Variants in IFTAP observed in about 807,000 individuals in gnomAD.
The protein encoded by IFTAP is intraflagellar transport associated protein, also known as intraflagellar transport-associated protein.
IFTAP carries 19 observed loss-of-function variants against 19.4 expected under a neutral mutation model. The observed-to-expected ratio is 0.98, with a 90% confidence interval of 0.68 to 1.44. The LOEUF is 1.44. Ranked by LOEUF, IFTAP falls within the 40% of genes most tolerant of loss-of-function variation. The probability of loss-of-function intolerance (pLI) is 0.00; values close to 1 mark genes in which losing one functional copy is unlikely to be tolerated. For synonymous variants in IFTAP, 85 were observed against 83.5 expected (o/e 1.02, Z -0.10); for missense variants, 240 against 253.6 (o/e 0.95, Z 0.36).
Position 36,610,207 on chromosome 11 carries a change from A to G in IFTAP, c.104A>G (p.Glu35Gly). ...TGTCATGAGCAAACATATGATGAAG[A>G]ATTTCTGAACACTTTTACTCATCTT... ...LNCHEQTYDE[E>G]FLNTFTHLSQ... Residue 35 changes from glutamate to glycine, a missense_variant, in exon 2 of 6, where the codon GAA becomes GGA. Physicochemically the swap from Glu to Gly is moderately conservative, Grantham distance 98 (BLOSUM62 -2). Transcript: ENST00000334307. 4 of 1,610,438 alleles carry G rather than the reference A, an allele frequency of 2.5e-6. No homozygotes were observed. The highest frequency in any genetic ancestry group is 2.2e-5 in the East Asian group (1 of 44,810).
intron 5 of IFTAP, among the ~76,000 whole-genome samples, chr11:36,654,804 C>T (rs968106988): frequency 1.4e-4 from 21 of 152,160 alleles, no homozygotes; most frequent in Non-Finnish European, 2.6e-4. Flanking sequence ...TCACTTTCTA[C>T]GGATTTTTCA....
chr11:36,654,026 A>T (rs1416980514), intron 5 of IFTAP, among the ~76,000 whole-genome samples: 1 of 152,090 alleles, frequency 6.6e-6, no homozygotes, highest in East Asian at 1.9e-4. Context: ...AACAAGGAAA[A>T]CAAGCTTCCC....
Position 36,610,116 on chromosome 11 carries a change from A to G in IFTAP, c.13A>G (p.Met5Val), listed in dbSNP as rs140413313. Residue 5 changes from methionine (M) to valine (V), a missense_variant, in exon 2 of 6, where the codon ATG becomes GTG. Met to Val is a conservative substitution (Grantham distance 21). Transcript: ENST00000334307. ...CTCATGAATAGGAATGTCTGCCCAT[A>G]TGTCAGGATTGGAAATAATGGATGA... is the stretch of plus-strand genomic sequence containing the variant. MSAHMSGLEIMDEDQ... is the reference protein window; with the variant it reads MSAHVSGLEIMDEDQ... The G allele has an allele frequency of 7.1e-5, 114 of 1,613,126 alleles. No homozygotes were observed. In the African/African-American group the frequency reaches 1.4e-3, roughly 20 times the overall value.
At chr11:36,644,085 T>C (rs1172333310) in intron 4 of IFTAP, among the ~76,000 whole-genome samples, 7 of 152,156 alleles carry the variant, frequency 4.6e-5, no homozygotes, top group South Asian at 4.1e-4. Context: ...GAGAAAATGT[T>C]TGCAATCTAC....
chr11:36,637,967 G>A (rs897191121), intron 4 of IFTAP, among the ~76,000 whole-genome samples: 1 of 151,276 alleles, frequency 6.6e-6, no homozygotes, highest in East Asian at 1.9e-4. Context: ...TGCAACCTCT[G>A]CCTCTCAGGT....
intron 5 of IFTAP, among the ~76,000 whole-genome samples, chr11:36,649,578 T>C (rs1459662007): frequency 6.6e-6 from 1 of 152,120 alleles, no homozygotes; most frequent in Non-Finnish European, 1.5e-5. Flanking sequence ...TCTAGTACAA[T>C]TATAGAAATT....
intron 1 of IFTAP, among the ~76,000 whole-genome samples, chr11:36,596,535 C>G (rs1851265997): frequency 6.6e-6 from 1 of 152,178 alleles, no homozygotes; most frequent in Non-Finnish European, 1.5e-5. Flanking sequence ...ATCTGAGCAA[C>G]TATGAAAAAT....
chr11:36,608,616 T>A (rs116934374), intron 1 of IFTAP, among the ~76,000 whole-genome samples: 2,623 of 152,148 alleles, frequency 0.017, 31 homozygotes, highest in Non-Finnish European at 0.026. Flanking sequence ...TGAGGCATTG[T>A]GTCTTAGCTG....
At chr11:36,624,284 T>G (rs1297093309) in intron 2 of IFTAP, among the ~76,000 whole-genome samples, 1 of 152,146 alleles carries the variant, frequency 6.6e-6, no homozygotes, top group African/African-American at 2.4e-5. Context: ...AATTTTTATC[T>G]ACTCTATGGC....
At chr11:36,610,059 C>G in intron 1 of IFTAP, 22 bp from the exon 2 acceptor site, 2 of 1,600,292 alleles carry the variant, frequency 1.2e-6, no homozygotes, top group Non-Finnish European at 1.7e-6. Flanking sequence ...TTCTCTCTAG[C>G]TGGTATTTTT....
chr11:36,632,083 C>G (rs953433135), intron 2 of IFTAP, among the ~76,000 whole-genome samples: 1 of 151,186 alleles, frequency 6.6e-6, no homozygotes, highest in Non-Finnish European at 1.5e-5. Context: ...CCCCACTCTG[C>G]TACTTAACCA....
intron 5 of IFTAP, among the ~76,000 whole-genome samples, chr11:36,652,764 G>T (rs1230782728): frequency 6.6e-6 from 1 of 152,000 alleles, no homozygotes; most frequent in African/African-American, 2.4e-5. Flanking sequence ...TAGCATGAAG[G>T]GCTGTTGAAT....
intron 2 of IFTAP, among the ~76,000 whole-genome samples, chr11:36,616,112 A>G (rs892427768): frequency 1.3e-5 from 2 of 151,948 alleles, no homozygotes; most frequent in African/African-American, 4.8e-5. Context: ...ACATACGGTA[A>G]CTGTCGGGAG....
At chr11:36,625,111 A>G (rs1277397103) in intron 2 of IFTAP, among the ~76,000 whole-genome samples, 4 of 152,308 alleles carry the variant, frequency 2.6e-5, no homozygotes, top group South Asian at 2.1e-4. Flanking sequence ...ATTTGAATCT[A>G]AACTCTGTTA....
At chr11:36,625,001 C>T (rs1399299094) in intron 2 of IFTAP, among the ~76,000 whole-genome samples, 2 of 152,188 alleles carry the variant, frequency 1.3e-5, no homozygotes, top group African/African-American at 2.4e-5. Context: ...TATAGATAAA[C>T]CATGGTTGTA....
At chr11:36,641,954 G>T (rs1853225244) in intron 4 of IFTAP, among the ~76,000 whole-genome samples, 2 of 152,058 alleles carry the variant, frequency 1.3e-5, no homozygotes, top group South Asian at 2.1e-4. Flanking sequence ...GAATCTGGGT[G>T]CTCCTGTATT....
rs11033703 is a variant in IFTAP, at chr11:36,595,228, C to T, written c.-24+636C>T. The T allele has an allele frequency of 0.13, 20,061 of 152,080 alleles. 1,435 individuals are homozygous for T. The highest frequency in any genetic ancestry group is 0.19 in the Admixed American group (2,959 of 15,274). The allele number at this position is 152,080 out of a possible 1,614,324, so 9.4% of individuals were successfully genotyped here. On this transcript the variant is annotated intron_variant, in intron 1 of 5. Transcript: ENST00000334307. ...AATAGAGTTAGTGGCTTTTTCACAT[C>T]TTTCCAGTCCAAGAACTTTTGGGTA...
rs111512474 is a variant in IFTAP, at chr11:36,599,108, C to T, written c.-24+4516C>T. ...ACCCAGGTTCAAGCGATTCTCCTAC[C>T]TCAGCCTCCCGAATAGCTGGGATTA... On this transcript the variant is annotated intron_variant, in intron 1 of 5. Transcript: ENST00000334307. Among the ~76,000 whole-genome samples the T allele has an allele frequency of 7.9e-5, 12 of 152,064 alleles. 1 individual carries two copies.
chr11:36,616,622 A>G (rs1358720922), intron 2 of IFTAP, among the ~76,000 whole-genome samples: 2 of 151,970 alleles, frequency 1.3e-5, no homozygotes, highest in African/African-American at 2.4e-5. Flanking sequence ...ATAATATTGT[A>G]TAATCATGAG....
Sources: allele counts gnomAD v4.1 joint callset (sites outside exome capture counted in the v4.1 genomes callset), GRCh38; gene constraint gnomAD v4.1.1; transcripts MANE v1.5; gene names NCBI Gene and HGNC (gene_info 2026-07-23, HGNC 2026-07-21).